Variants in DNAAF5 observed in about 807,000 individuals in gnomAD.
DNAAF5 encodes dynein axonemal assembly factor 5.
DNAAF5 carries 64 observed loss-of-function variants against 75.8 expected under a neutral mutation model. The ratio of observed to expected loss-of-function variants is 0.84; its 90% CI spans 0.69 to 1.04. DNAAF5 has a LOEUF of 1.04. DNAAF5 is among the 50% of genes least tolerant of loss of function. The pLI is 0.00. For synonymous variants in DNAAF5, 657 were observed against 557.2 expected, an observed-to-expected ratio of 1.18 and a Z score of -2.52; for missense variants, 1,269 against 1,178.5, an observed-to-expected ratio of 1.08 and a Z score of -1.12.
chr7:766,150 A>C (rs1240095321), intron 8 of DNAAF5, among the ~76,000 whole-genome samples: 2 of 152,152 alleles, frequency 1.3e-5, no homozygotes, highest in African/African-American at 4.8e-5. Context: ...TTTCCCAATG[A>C]TGATTATGTT....
chr7:782,702 CGT>C (rs1779010678), intron 12 of DNAAF5, among the ~76,000 whole-genome samples: 1 of 111,698 alleles, frequency 9.0e-6, no homozygotes, highest in Non-Finnish European at 1.8e-5. Flanking sequence ...CGTCACGCAG[CGT>C]CAGAAACTCG....
intron 4 of DNAAF5, among the ~76,000 whole-genome samples, chr7:745,832 AAC>A (rs1279322435): frequency 6.6e-6 from 1 of 152,252 alleles, no homozygotes; most frequent in Non-Finnish European, 1.5e-5. Context: ...CTGTGGTGGA[AAC>A]ACAGGCTCTT....
intron 4 of DNAAF5, among the ~76,000 whole-genome samples, chr7:746,670 T>TTAC (rs962009509): frequency 6.8e-6 from 1 of 146,190 alleles, no homozygotes; most frequent in African/African-American, 2.6e-5. Flanking sequence ...TGTGACGTCC[T>TTAC]TACCATCCTG....
intron 12 of DNAAF5, among the ~76,000 whole-genome samples, chr7:785,287 A>G (rs559953964): frequency 6.8e-6 from 1 of 147,662 alleles, no homozygotes; most frequent in South Asian, 2.2e-4. Flanking sequence ...TCGTATCCAC[A>G]TTGTGACTAC....
chr7:784,706 G>A (rs1053379038), intron 12 of DNAAF5, among the ~76,000 whole-genome samples: 1 of 152,168 alleles, frequency 6.6e-6, no homozygotes, highest in East Asian at 1.9e-4. Context: ...CCTGGCCCGT[G>A]GGAGGTTTGC....
At chr7:728,855 C>T (rs1013611141) in intron 1 of DNAAF5, among the ~76,000 whole-genome samples, 1 of 152,186 alleles carries the variant, frequency 6.6e-6, no homozygotes, top group East Asian at 1.9e-4. Context: ...CACCTCTGGT[C>T]TCGGTCACAC....
intron 5 of DNAAF5, 32 bp from the exon 6 acceptor site, chr7:756,750 G>C: frequency 6.2e-7 from 1 of 1,604,478 alleles, no homozygotes. Context: ...CTCGGGTTTG[G>C]CTCTGAGTTT....
intron 7 of DNAAF5, among the ~76,000 whole-genome samples, chr7:762,551 C>T (rs1782695128): frequency 6.6e-6 from 1 of 152,032 alleles, no homozygotes; most frequent in African/African-American, 2.4e-5. Context: ...CCGTGATTTC[C>T]CGCTCTCATT....
intron 11 of DNAAF5, among the ~76,000 whole-genome samples, chr7:777,271 G>C (rs1028246448): frequency 6.6e-6 from 1 of 152,174 alleles, no homozygotes; most frequent in African/African-American, 2.4e-5. Context: ...GTGCCAAAAA[G>C]GTTGGGGACT....
At position 734,865 on chromosome 7, in the gene DNAAF5, C is replaced by G. The variant is rs142564845; in HGVS notation, c.780+5018C>G. ...TCCAATTTATTGGCATATAGTTGCT[C>G]ACAGTATAGTTGCTCACAGTGTAGC... On this transcript the variant is annotated intron_variant, in intron 2 of 12. Coordinates refer to ENST00000297440, the MANE Select transcript of DNAAF5 (RefSeq NM_017802.4). Among the ~76,000 whole-genome samples the G allele has an allele frequency of 8.0e-3, 1,217 of 152,280 alleles. 4 individuals carry two copies. The highest frequency in any genetic ancestry group is 0.013 in the Non-Finnish European group (852 of 68,032).
chr7:738,974 T>C (rs1358110345), intron 2 of DNAAF5, among the ~76,000 whole-genome samples: 1 of 152,240 alleles, frequency 6.6e-6, no homozygotes, highest in Non-Finnish European at 1.5e-5. Context: ...GCTGCCGGCC[T>C]GGGGCAGAGT....
intron 8 of DNAAF5, among the ~76,000 whole-genome samples, chr7:769,571 C>G (rs1562395918): frequency 6.6e-6 from 1 of 152,158 alleles, no homozygotes; most frequent in African/African-American, 2.4e-5. Flanking sequence ...GAAGTTCTTT[C>G]ACTGAAACAA....
At chr7:773,970 C>A (rs551928191) in intron 9 of DNAAF5, 78 bp from the exon 10 acceptor site, 1 of 1,542,620 alleles carries the variant, frequency 6.5e-7, no homozygotes, top group Admixed American at 1.7e-5. Flanking sequence ...CCCCTCAGCC[C>A]CATTCATCCC....
At chr7:745,302 G>A (rs995225365) in intron 4 of DNAAF5, among the ~76,000 whole-genome samples, 2 of 152,248 alleles carry the variant, frequency 1.3e-5, no homozygotes, top group Admixed American at 6.5e-5. Context: ...AGACCCAGGA[G>A]GGTCCAGTCC....
At chr7:732,719 T>A (rs1329212121) in intron 2 of DNAAF5, 1 of 437,006 alleles carries the variant, frequency 2.3e-6, no homozygotes, top group Non-Finnish European at 4.6e-6. Context: ...GAGCTCCTTA[T>A]GGATTCTGGT....
intron 4 of DNAAF5, among the ~76,000 whole-genome samples, chr7:752,039 C>A (rs945951362): frequency 6.6e-6 from 1 of 152,202 alleles, no homozygotes; most frequent in African/African-American, 2.4e-5. Context: ...GCAAGACTCA[C>A]AAAACCACAG....
At chr7:785,361 C>T (rs1298431833) in intron 12 of DNAAF5, among the ~76,000 whole-genome samples, 156 bp from the exon 13 acceptor site, 3 of 151,266 alleles carry the variant, frequency 2.0e-5, no homozygotes, top group Admixed American at 1.3e-4. Context: ...CACTCGTATC[C>T]GCATTGTGAC....
intron 8 of DNAAF5, among the ~76,000 whole-genome samples, chr7:765,880 G>A (rs1044287442): frequency 2.0e-5 from 3 of 152,070 alleles, no homozygotes; most frequent in African/African-American, 7.2e-5. Flanking sequence ...TGTTTTTCTA[G>A]AAATGGGGTC....
chr7:740,771 G>A, intron 2 of DNAAF5, 48 bp from the exon 3 acceptor site: 1 of 1,607,134 alleles, frequency 6.2e-7, no homozygotes, highest in Non-Finnish European at 8.5e-7. Context: ...GTCAGCCCCG[G>A]CATCCCCTTT....
Sources: gnomAD v4.1 joint callset for allele counts (sites outside exome capture counted in the v4.1 genomes callset) on GRCh38, gnomAD v4.1.1 for gene constraint, MANE v1.5 for transcripts, NCBI Gene and HGNC (gene_info 2026-07-23, HGNC 2026-07-21) for gene names.